TYMP: variants seen among roughly 807,000 people sequenced by gnomAD.
TYMP encodes the protein gliostatin.
Under a neutral mutation model 42.3 loss-of-function variants are expected in TYMP, and 46 were observed. That is an observed-to-expected ratio of 1.09 (90% CI 0.86 to 1.39). The LOEUF (loss-of-function observed/expected upper bound fraction) is 1.39. Ranked by LOEUF, TYMP falls within the 40% of genes most tolerant of loss-of-function variation. The probability of loss-of-function intolerance (pLI) is 0.00; values close to 1 mark genes in which losing one functional copy is unlikely to be tolerated. For synonymous variants in TYMP, 363 were observed against 308.0 expected (o/e 1.18, Z -1.87); for missense variants, 837 against 677.6 (o/e 1.24, Z -2.61).
chr22:50,529,121 G>A lies in TYMP; in HGVS notation c.417+15C>T, dbSNP rs1041802037. The A allele has an allele frequency of 3.0e-5, 48 of 1,612,650 alleles. 1 individual carries two copies. Among genetic ancestry groups the A allele is most frequent in the Non-Finnish European group, 4.0e-5 (47 of 1,179,834 alleles). On this transcript the variant is annotated intron_variant, in intron 3 of 9. Transcript: ENST00000252029. ...GCGGTATAGGCTCCCGTCTGGAAAG[G>A]AGGTGGTTTCTAACCTTGCAGCCAC...
Position 50,526,680 on chromosome 22 carries a change from T to G in TYMP, c.824A>C (p.Lys275Thr). Reference protein sequence around the residue: ...RVAAALTAMDKPLGRCVGHAL... With the variant: ...RVAAALTAMDTPLGRCVGHAL... ...GTGGCCCACGCAGCGACCCAGGGGC[T>G]TGTCCATGGCGGTCAGCGCTGCCGC... Residue 275 changes from lysine to threonine, a missense_variant, in exon 7 of 10, where the codon AAG becomes ACG. Physicochemically the swap from Lys to Thr is moderately conservative, Grantham distance 78. Transcript: ENST00000252029. 3.9e-6 allele frequency: 6 copies of G among 1,549,288 alleles called. No individual in the cohort carries two copies. The highest frequency in any genetic ancestry group is 1.2e-5 in the South Asian group (1 of 84,572).
intron 6 of TYMP, 68 bp from the exon 7 acceptor site, chr22:50,526,806 T>C (rs1237470481): frequency 6.7e-7 from 1 of 1,487,332 alleles, no homozygotes; most frequent in Non-Finnish European, 9.0e-7. Context: ...TTGGTCGAAC[T>C]CCAGCCCCTG....
intron 4 of TYMP, 142 bp downstream of exon 4, chr22:50,528,370 G>A (rs2069470194): frequency 6.6e-6 from 5 of 762,128 alleles, no homozygotes; most frequent in Non-Finnish European, 9.1e-6. Flanking sequence ...TGATGATTTC[G>A]GCCCAGGCCC....
At chr22:50,527,768 C>CTTTTT (rs131803) in intron 4 of TYMP, 51 bp from the exon 5 acceptor site, 13 of 1,228,174 alleles carry the variant, frequency 1.1e-5, no homozygotes, top group South Asian at 2.7e-5. Flanking sequence ...GACTTAGCAG[C>CTTTTT]TTTTTTTTTT....
At chr22:50,526,498 A>C in intron 7 of TYMP, 22 bp from the exon 8 acceptor site, 3 of 1,518,092 alleles carry the variant, frequency 2.0e-6, no homozygotes, top group Non-Finnish European at 2.6e-6. Flanking sequence ...GACGGGTCTT[A>C]GGCGCGGCCG....
Position 50,529,970 on chromosome 22 carries a change from G to C in TYMP, c.-77C>G, listed in dbSNP as rs1297495211. On this transcript the variant is annotated 5_prime_UTR_variant, in exon 1 of 10. Coordinates refer to ENST00000252029, the MANE Select transcript of TYMP (RefSeq NM_001953.5). ...GCCCAGGTACCCGGCCTCGCCCGCG[G>C]GTCGGGACCGTAGGGTTCAGGGTTC... 7.0e-6 allele frequency: 4 copies of C among 569,838 alleles called. No individual in the cohort carries two copies. In the African/African-American group the frequency reaches 7.6e-5, roughly 11 times the overall value. The allele number at this position is 569,838 out of a possible 1,614,324, so 35.3% of individuals were successfully genotyped here.
In TYMP at chr22:50,526,011, C is replaced by T. The variant is rs570574111; in HGVS notation, c.1290G>A (p.Arg430=). The T allele has an allele frequency of 2.9e-4, 422 of 1,462,934 alleles. 1 individual carries two copies. The African/African-American group carries it at 5.6e-3, about 19-fold the overall frequency. The allele number at this position is 1,462,934 out of a possible 1,614,324, so 90.6% of individuals were successfully genotyped here. A position where few individuals can be genotyped will look rare whatever the true frequency, so the allele number is the denominator to read the frequency against. The part of the protein sequence containing the change: ...GAELLVDVGQ[R]LRRGTPWLRV... ...GGGGGCGGCGCTCACCACGGCGCAG[C>T]CTCTGACCCACGTCGACCAGCAGCT... Residue 430 remains arginine, a synonymous_variant, in exon 9 of 10, where the codon AGG becomes AGA. Coordinates refer to ENST00000252029, the MANE Select transcript of TYMP (RefSeq NM_001953.5).
intron 8 of TYMP, 26 bp downstream of exon 8, chr22:50,526,220 A>C (rs1603441822): frequency 6.6e-7 from 1 of 1,509,478 alleles, no homozygotes. Flanking sequence ...CGGAGGCGGA[A>C]GGACGGGGAC....
In TYMP at chr22:50,528,260, C is replaced by T. The variant is rs2069467075; in HGVS notation, c.516+252G>A. ...GTTCAAGGGATCTGCCCTCTTCGGC[C>T]TCCCCAAGTGCTAGGACTACAGGTG... On this transcript the variant is annotated intron_variant, in intron 4 of 9. Transcript: ENST00000252029. 7.2e-6 allele frequency: 4 copies of T among 554,074 alleles called. No homozygotes were observed. The East Asian group carries it at 9.8e-5, about 14-fold the overall frequency. The allele number at this position is 554,074 out of a possible 1,614,324, so 34.3% of individuals were successfully genotyped here.
chr22:50,526,241 C>T lies in TYMP; in HGVS notation c.1159+5G>A, dbSNP rs748559929. Reference sequence around the variant, plus strand: ...CGGAAGGACGGGGACTCCCCCGACGCTCACCATCTGCGGGCGCCAGCAGCT... The same window carrying T: ...CGGAAGGACGGGGACTCCCCCGACGTTCACCATCTGCGGGCGCCAGCAGCT... On this transcript the variant is annotated splice_donor_5th_base_variant and intron_variant, in intron 8 of 9. Transcript: ENST00000252029. 76 of 1,538,562 alleles carry T rather than the reference C, an allele frequency of 4.9e-5. No homozygotes were observed. In the African/African-American group the frequency reaches 9.2e-4, roughly 19 times the overall value.
Position 50,529,509 on chromosome 22 carries a change from C to T in TYMP, c.201G>A (p.Gln67=), listed in dbSNP as rs763810043. Reference sequence around the variant, plus strand: ...CTCCCCACGCACCGATCTGTGCGCCCTGCGCGCTCCCATTCACCACAGCGG... The same window carrying T: ...CTCCCCACGCACCGATCTGTGCGCCTTGCGCGCTCCCATTCACCACAGCGG... The part of the protein sequence containing the change: ...FVAAVVNGSA[Q]GAQIGAMLMA... The change falls in exon 2 of 10, where the codon CAG becomes CAA. Residue 67 remains glutamine, a synonymous_variant. Transcript: ENST00000252029. 22 of 1,612,764 alleles carry T rather than the reference C, an allele frequency of 1.4e-5. No homozygotes were observed. In the South Asian group the frequency reaches 1.9e-4, roughly 14 times the overall value.
chr22:50,525,803 G>A lies in TYMP; in HGVS notation c.1416C>T (p.Pro472=), dbSNP rs2148676077. 2.5e-6 allele frequency: 4 copies of A among 1,610,752 alleles called. No individual in the cohort carries two copies. Among genetic ancestry groups the A allele is most frequent in the Non-Finnish European group, 3.4e-6 (4 of 1,179,020 alleles). ...SDRAPFAAPS[P]FAELVLPPQQ ...GCGGCGGCAGAACGAGCTCTGCGAA[G>A]GGCGAGGGGGCGGCGAATGGCGCGC... is the stretch of plus-strand genomic sequence containing the variant. The change falls in exon 10 of 10, where the codon CCC becomes CCT. Residue 472 remains proline (P), a synonymous_variant. Coordinates refer to ENST00000252029, the MANE Select transcript of TYMP (RefSeq NM_001953.5).
In TYMP at chr22:50,527,648, C is replaced by T. The variant is rs367723039; in HGVS notation, c.586G>A (p.Gly196Arg). The T allele has an allele frequency of 4.8e-5, 77 of 1,613,826 alleles. No homozygotes were observed. The highest frequency in any genetic ancestry group is 1.8e-4 in the Admixed American group (11 of 60,002). Residue 196 changes from glycine (G) to arginine (R), a missense_variant, in exon 5 of 10, where the codon GGA (glycine) becomes AGA (arginine). Transcript: ENST00000252029. Reference sequence around the variant, plus strand: ...ACATCTCTGGCTGCATATAGGATTCCGTCCGCAGGAACCAGCTGCTCACTC... The same window carrying T: ...ACATCTCTGGCTGCATATAGGATTCTGTCCGCAGGAACCAGCTGCTCACTC... ...GQSEQLVPAD[G>R]ILYAARDVTA...
At position 50,526,556 on chromosome 22, in the gene TYMP, C is replaced by G; in HGVS notation, c.928+20G>C. ...AGCACCCCCCGCCGCCTCCGCTCCCCTACACCCCGTCCCCCTCACCGAGCG... is the reference window on the plus strand; with the variant it reads ...AGCACCCCCCGCCGCCTCCGCTCCCGTACACCCCGTCCCCCTCACCGAGCG... On this transcript the variant is annotated intron_variant, in intron 7 of 9. Coordinates refer to ENST00000252029, the MANE Select transcript of TYMP (RefSeq NM_001953.5). 2 of 1,559,012 alleles carry G rather than the reference C, an allele frequency of 1.3e-6. No homozygotes were observed. Among genetic ancestry groups the G allele is most frequent in the Middle Eastern group, 1.7e-4 (1 of 5,810 alleles).
Position 50,529,568 on chromosome 22 carries a change from GGCCTCCGTCTC to G in TYMP, c.131_141del (p.Arg44ProfsTer76). 1 of 1,613,148 alleles carries G rather than the reference GGCCTCCGTCTC, an allele frequency of 6.2e-7. No homozygotes were observed. The highest frequency in any genetic ancestry group is 8.5e-7 in the Non-Finnish European group (1 of 1,179,938). On this transcript the variant is annotated frameshift_variant, in exon 2 of 10. Transcript: ENST00000252029. LOFTEE classifies it high-confidence loss of function. ...CCCCTGATGTCCGCTTCGCTCAGGC[GGCCTCCGTCTC>G]GCTTCATGCGGATCAGCTCCGGGAG...
intron 6 of TYMP, among the ~76,000 whole-genome samples, 166 bp downstream of exon 6, chr22:50,526,999 C>G (rs981399204): frequency 6.6e-6 from 1 of 152,216 alleles, no homozygotes; most frequent in South Asian, 2.1e-4. Context: ...TCTAAAGTCA[C>G]AGCAGGTTAG....
rs778034388 is a variant in TYMP, at chr22:50,529,546, C to T, written c.164G>A (p.Arg55Lys). ...ATTCACCACAGCGGCCACGAAGCCC[C>T]TGATGTCCGCTTCGCTCAGGCGGCC... Reference protein sequence around the residue: ...DGGRLSEADIRGFVAAVVNGS... With the variant: ...DGGRLSEADIKGFVAAVVNGS... Residue 55 changes from arginine (R) to lysine (K), a missense_variant, in exon 2 of 10, where the codon AGG becomes AAG. Arg to Lys is a conservative substitution (Grantham distance 26). Coordinates refer to ENST00000252029, the MANE Select transcript of TYMP (RefSeq NM_001953.5). The T allele has an allele frequency of 1.4e-5, 22 of 1,613,052 alleles. No individual in the cohort carries two copies. The highest frequency in any genetic ancestry group is 1.3e-4 in the East Asian group (6 of 44,892).
rs1569522958 is a variant in TYMP at position 50,529,481 on chromosome 22, A to G, written c.214+15T>C. On this transcript the variant is annotated intron_variant, in intron 2 of 9. Transcript: ENST00000252029. Reference sequence around the variant, plus strand: ...TCCCAGTCGGGGTCAGGAACGCCCAACCCTCCCCACGCACCGATCTGTGCG... The same window carrying G: ...TCCCAGTCGGGGTCAGGAACGCCCAGCCCTCCCCACGCACCGATCTGTGCG... 2.5e-6 allele frequency: 4 copies of G among 1,611,816 alleles called. No individual in the cohort carries two copies. The highest frequency in any genetic ancestry group is 2.2e-5 in the East Asian group (1 of 44,846).
Position 50,527,673 on chromosome 22 carries a change from C to T in TYMP, c.561G>A (p.Gln187=), listed in dbSNP as rs2148680484. The change falls in exon 5 of 10, where the codon CAG becomes CAA. Residue 187 remains glutamine (Q), a synonymous_variant. Transcript: ENST00000252029. ...CGTCCGCAGGAACCAGCTGCTCACT[C>T]TGACCCACGATACAGCAGCCCGCCT... The part of the protein sequence containing the change: ...LDQAGCCIVG[Q]SEQLVPADGI... 1.2e-6 allele frequency: 2 copies of T among 1,613,948 alleles called. No individual in the cohort carries two copies. Among genetic ancestry groups the T allele is most frequent in the Non-Finnish European group, 1.7e-6 (2 of 1,180,038 alleles).
Sources: gnomAD v4.1 joint callset for allele counts (sites outside exome capture counted in the v4.1 genomes callset) on GRCh38, gnomAD v4.1.1 for gene constraint, MANE v1.5 for transcripts, NCBI Gene and HGNC (gene_info 2026-07-23, HGNC 2026-07-21) for gene names.